HIP1: variants seen among roughly 807,000 people sequenced by gnomAD.
HIP1 encodes the protein huntingtin-interacting protein 1.
Under a neutral mutation model 147.6 loss-of-function variants are expected in HIP1, and 65 were observed. That is an observed-to-expected ratio of 0.44 (90% CI 0.36 to 0.54). The LOEUF is 0.54. HIP1 is among the 20% of genes least tolerant of loss of function. The pLI is 0.00. For synonymous variants in HIP1, 479 were observed against 504.0 expected, an observed-to-expected ratio of 0.95 and a Z score of 0.67; for missense variants, 1,061 against 1,299.6, an observed-to-expected ratio of 0.82 and a Z score of 2.82.
chr7:75,693,797 GAGAA>G (rs1554518468), intron 1 of HIP1, among the ~76,000 whole-genome samples: 1 of 151,574 alleles, frequency 6.6e-6, no homozygotes, highest in African/African-American at 2.4e-5. Flanking sequence ...GGGAGGGGGA[GAGAA>G]AGAGAGAGAG....
At chr7:75,540,952 A>C (rs1032366330) in intron 29 of HIP1, among the ~76,000 whole-genome samples, 1 of 152,146 alleles carries the variant, frequency 6.6e-6, no homozygotes, top group Non-Finnish European at 1.5e-5. Flanking sequence ...TTAGTCCAAG[A>C]ATAGTGGGCA....
At chr7:75,671,439 C>G (rs1231779445) in intron 1 of HIP1, among the ~76,000 whole-genome samples, 1 of 152,130 alleles carries the variant, frequency 6.6e-6, no homozygotes, top group Non-Finnish European at 1.5e-5. Flanking sequence ...CATCATATAA[C>G]ACATTTTGCT....
intron 1 of HIP1, among the ~76,000 whole-genome samples, chr7:75,718,776 C>T (rs1801399093): frequency 6.6e-6 from 1 of 152,154 alleles, no homozygotes; most frequent in Non-Finnish European, 1.5e-5. Flanking sequence ...ACGCAGTTCT[C>T]CCAAGGCCCT....
chr7:75,545,675 G>C (rs587626459), intron 25 of HIP1, among the ~76,000 whole-genome samples: 58 of 151,828 alleles, frequency 3.8e-4, no homozygotes, highest in Non-Finnish European at 4.9e-4. Context: ...GCTAGGCGCG[G>C]TGGTTCACGC....
At chr7:75,708,381 T>C (rs1252849869) in intron 1 of HIP1, among the ~76,000 whole-genome samples, 3 of 152,208 alleles carry the variant, frequency 2.0e-5, no homozygotes, top group Non-Finnish European at 4.4e-5. Context: ...GGTTTTGTAG[T>C]TGTTGCCTGT....
chr7:75,687,413 C>T (rs575526443), intron 1 of HIP1, among the ~76,000 whole-genome samples: 54 of 152,330 alleles, frequency 3.5e-4, no homozygotes, highest in African/African-American at 1.3e-3. Context: ...ACATCTGGGC[C>T]GGGCACGGTG....
chr7:75,555,589 C>T (rs782153063), intron 18 of HIP1, 38 bp from the exon 19 acceptor site: 20 of 1,612,680 alleles, frequency 1.2e-5, no homozygotes, highest in Non-Finnish European at 1.6e-5. Context: ...CTGCCCTAGA[C>T]TCCATAATGA....
Position 75,592,519 on chromosome 7 carries a change from G to A in HIP1, c.185-5C>T. ...GGTGGGTGCCCAGTATGCACGGTGA[G>A]GGGGGGTTATGGAAAACAACGGATG... On this transcript the variant is annotated splice_polypyrimidine_tract_variant and splice_region_variant and intron_variant, in intron 2 of 30. Coordinates refer to ENST00000336926, the MANE Select transcript of HIP1 (RefSeq NM_005338.7). 6.2e-7 allele frequency: 1 copy of A among 1,605,708 alleles called. No individual in the cohort carries two copies. Among genetic ancestry groups the A allele is most frequent in the East Asian group, 2.2e-5 (1 of 44,778 alleles).
chr7:75,732,887 G>A (rs928241355), intron 1 of HIP1, among the ~76,000 whole-genome samples: 2 of 151,998 alleles, frequency 1.3e-5, no homozygotes, highest in African/African-American at 4.8e-5. Flanking sequence ...CTGGTGTTTC[G>A]GGGCCTGACC....
intron 1 of HIP1, among the ~76,000 whole-genome samples, chr7:75,610,622 T>C (rs1584877111): frequency 6.6e-6 from 1 of 151,936 alleles, no homozygotes; most frequent in Admixed American, 6.6e-5. Context: ...GCCTTCTCCT[T>C]TCCTGTAGGC....
At position 75,624,509 on chromosome 7, in the gene HIP1, C is replaced by G. The variant is rs897925063; in HGVS notation, c.121-25262G>C. Among the ~76,000 whole-genome samples the G allele has an allele frequency of 2.6e-5, 4 of 152,248 alleles. No individual in the cohort carries two copies. The East Asian group carries it at 7.7e-4, about 29-fold the overall frequency. On this transcript the variant is annotated intron_variant, in intron 1 of 30. Transcript: ENST00000336926. ...GGGGAGTCATCCAACAGGCCCCAGG[C>G]AGGGTAAGCCCCACCGAAGCCTCCA... is the stretch of plus-strand genomic sequence containing the variant.
At chr7:75,694,067 G>A (rs1015287977) in intron 1 of HIP1, among the ~76,000 whole-genome samples, 27 of 151,776 alleles carry the variant, frequency 1.8e-4, no homozygotes, top group African/African-American at 5.8e-4. Flanking sequence ...TTACAGGCAC[G>A]TGCCACCACA....
In HIP1 at chr7:75,568,269, G is replaced by A; in HGVS notation, c.746-13C>T. On this transcript the variant is annotated splice_polypyrimidine_tract_variant and intron_variant, in intron 8 of 30. Coordinates refer to ENST00000336926, the MANE Select transcript of HIP1 (RefSeq NM_005338.7). This position sits in a 1 kb window ranked among gnomAD's most constrained non-coding sequence, Gnocchi z 4.1. ...TCAGCTGGGAGGCCTGGAAGAAATT[G>A]GAAAGAGTGTGAGAGGGGAGGGGGA... 1.2e-6 allele frequency: 2 copies of A among 1,603,680 alleles called. No homozygotes were observed. Among genetic ancestry groups the A allele is most frequent in the Non-Finnish European group, 1.7e-6 (2 of 1,170,552 alleles).
rs763895054 is a variant in HIP1 at position 75,536,199 on chromosome 7, GCAT to G, written c.*1970_*1972del. On this transcript the variant is annotated 3_prime_UTR_variant, in exon 31 of 31. Transcript: ENST00000336926. ...TCAAAAAAATACTAAGCAGAAAGCA[GCAT>G]TCAACATTAAGACTGCCCAATTTCT... The G allele has an allele frequency of 8.7e-4, 184 of 212,084 alleles. No homozygotes were observed. Among genetic ancestry groups the G allele is most frequent in the Non-Finnish European group, 8.9e-4 (93 of 104,746 alleles). The allele number at this position is 212,084 out of a possible 1,614,324, so 13.1% of individuals were successfully genotyped here.
At chr7:75,664,129 C>T (rs1286832409) in intron 1 of HIP1, among the ~76,000 whole-genome samples, 1 of 38,960 alleles carries the variant, frequency 2.6e-5, no homozygotes, top group Non-Finnish European at 4.9e-5. Flanking sequence ...TATGCACACA[C>T]ATGTGTGTAC....
At chr7:75,559,083 G>T (rs1331364876) in intron 14 of HIP1, among the ~76,000 whole-genome samples, 1 of 152,106 alleles carries the variant, frequency 6.6e-6, no homozygotes, top group South Asian at 2.1e-4. Context: ...TACATACATG[G>T]CATTTATTCT....
At chr7:75,616,398 T>C (rs1797663486) in intron 1 of HIP1, among the ~76,000 whole-genome samples, 1 of 152,076 alleles carries the variant, frequency 6.6e-6, no homozygotes, top group East Asian at 1.9e-4. Context: ...ACCTCCCAAG[T>C]AGGTGGGCCT....
At chr7:75,716,802 AACCACC>A (rs1554520632) in intron 1 of HIP1, among the ~76,000 whole-genome samples, 2 of 150,578 alleles carry the variant, frequency 1.3e-5, no homozygotes, top group South Asian at 2.1e-4. Flanking sequence ...TACAGGCATA[AACCACC>A]ACGCCCAGCT....
chr7:75,598,565 C>T (rs151090909), intron 2 of HIP1, among the ~76,000 whole-genome samples: 10 of 151,836 alleles, frequency 6.6e-5, no homozygotes, highest in African/African-American at 2.2e-4. Flanking sequence ...CCCTCCTGAC[C>T]CCCAGGAGGT....
Sources: allele counts gnomAD v4.1 joint callset (sites outside exome capture counted in the v4.1 genomes callset), GRCh38; gene constraint gnomAD v4.1.1; non-coding constraint Gnocchi (gnomAD v3.1); transcripts MANE v1.5; gene names NCBI Gene and HGNC (gene_info 2026-07-23, HGNC 2026-07-21).